Variants in RIMS2 observed in about 807,000 individuals in gnomAD.
RIMS2 encodes regulating synaptic membrane exocytosis 2, also known as regulating synaptic membrane exocytosis protein 2.
Under a neutral mutation model 174.4 loss-of-function variants are expected in RIMS2, and 59 were observed. That is an observed-to-expected ratio of 0.34 (90% CI 0.27 to 0.42). The LOEUF (loss-of-function observed/expected upper bound fraction) is 0.42. RIMS2 is among the 10% of genes least tolerant of loss of function. RIMS2 has a pLI of 1.00. For missense variants in RIMS2, 1,620 were observed against 1,666.3 expected, an observed-to-expected ratio of 0.97 and a Z score of 0.48; for synonymous variants, 606 against 572.5, an observed-to-expected ratio of 1.06 and a Z score of -0.84.
intron 1 of RIMS2, among the ~76,000 whole-genome samples, chr8:103,516,251 A>G (rs16870441): frequency 0.012 from 1,784 of 152,210 alleles, 38 homozygotes; most frequent in African/African-American, 0.042. Flanking sequence ...CAAATAGGAC[A>G]TTTAGTTTGA....
chr8:103,654,469 A>G (rs1366040285), intron 1 of RIMS2, among the ~76,000 whole-genome samples: 2 of 151,992 alleles, frequency 1.3e-5, no homozygotes, highest in Non-Finnish European at 2.9e-5. Flanking sequence ...GATTTCTTTG[A>G]CAACTAATTC....
At chr8:103,846,392 G>A (rs1308801117) in intron 3 of RIMS2, among the ~76,000 whole-genome samples, 1 of 152,044 alleles carries the variant, frequency 6.6e-6, no homozygotes, top group African/African-American at 2.4e-5. Context: ...ACTAGTCAAG[G>A]GCATGGTTTC....
intron 19 of RIMS2, among the ~76,000 whole-genome samples, chr8:104,169,310 A>ATATATATG (rs2098817204): frequency 1.8e-5 from 1 of 54,654 alleles, no homozygotes; most frequent in Admixed American, 2.1e-4. Flanking sequence ...TTGGCTATAT[A>ATATATATG]TATATATATA....
intron 4 of RIMS2, among the ~76,000 whole-genome samples, chr8:103,887,281 T>C: frequency 6.6e-6 from 1 of 151,728 alleles, no homozygotes; most frequent in Non-Finnish European, 1.5e-5. Flanking sequence ...TATTGATTTA[T>C]AAGCACTTTT....
intron 19 of RIMS2, among the ~76,000 whole-genome samples, chr8:104,094,968 A>T (rs6468901): frequency 0.23 from 35,194 of 151,966 alleles, 4,450 homozygotes; most frequent in East Asian, 0.58. Flanking sequence ...GTTCGTTATG[A>T]GTAGCTGAAT....
At chr8:104,071,911 G>C (rs1325400646) in intron 19 of RIMS2, among the ~76,000 whole-genome samples, 1 of 152,144 alleles carries the variant, frequency 6.6e-6, no homozygotes, top group Non-Finnish European at 1.5e-5. Flanking sequence ...AGAAAATGGA[G>C]ACATTTTGAG....
At chr8:103,825,773 T>C (rs2098786463) in intron 3 of RIMS2, among the ~76,000 whole-genome samples, 2 of 152,212 alleles carry the variant, frequency 1.3e-5, no homozygotes, top group African/African-American at 4.8e-5. Flanking sequence ...GATCATAGCG[T>C]GGGTGTATGT....
intron 3 of RIMS2, among the ~76,000 whole-genome samples, chr8:103,834,742 T>TTCTTTCTTTCTTTCTC (rs1406395709): frequency 1.9e-4 from 21 of 109,518 alleles, no homozygotes; most frequent in South Asian, 5.4e-4. Flanking sequence ...CTTTCTTTCT[T>TTCTTTCTTTCTTTCTC]TCTCTCTCTT....
intron 19 of RIMS2, among the ~76,000 whole-genome samples, chr8:104,089,422 T>C (rs2097593840): frequency 6.6e-6 from 1 of 151,886 alleles, no homozygotes; most frequent in African/African-American, 2.4e-5. Context: ...GACTGTAGTA[T>C]TAAGTTGTTT....
intron 1 of RIMS2, among the ~76,000 whole-genome samples, chr8:103,662,611 T>C (rs2096615540): frequency 6.6e-6 from 1 of 152,218 alleles, no homozygotes; most frequent in African/African-American, 2.4e-5. Context: ...GTTGATACTT[T>C]TCTTCAAGAA....
chr8:104,091,455 T>C (rs2129837208), intron 19 of RIMS2, among the ~76,000 whole-genome samples: 1 of 151,526 alleles, frequency 6.6e-6, no homozygotes, highest in East Asian at 1.9e-4. Context: ...AACAATTTTA[T>C]AGCTTTGAAA....
At chr8:103,549,995 A>T (rs900560311) in intron 1 of RIMS2, among the ~76,000 whole-genome samples, 2 of 152,184 alleles carry the variant, frequency 1.3e-5, no homozygotes, top group African/African-American at 4.8e-5. Flanking sequence ...AGACTCCCAC[A>T]CAATAATAAT....
intron 1 of RIMS2, among the ~76,000 whole-genome samples, chr8:103,547,875 A>G (rs1845839776): frequency 6.6e-6 from 1 of 152,192 alleles, no homozygotes; most frequent in Non-Finnish European, 1.5e-5. Context: ...AGAAACTATG[A>G]TGAACACCTC....
At position 103,971,027 on chromosome 8, in the gene RIMS2, C is replaced by G. The variant is rs184471363; in HGVS notation, c.2771-4323C>G. ...ATTCTAGGCATGGAGTTTTCCCCCC[C>G]ATAGTATACTGAGCAACAGGAATGG... is the stretch of plus-strand genomic sequence containing the variant. On this transcript the variant is annotated intron_variant, in intron 15 of 23. Coordinates refer to ENST00000504942, the Ensembl canonical transcript of RIMS2. Among the ~76,000 whole-genome samples, 22 of 152,164 alleles carry G rather than the reference C, an allele frequency of 1.4e-4. No homozygotes were observed. In the East Asian group the frequency reaches 4.3e-3, roughly 29 times the overall value.
intron 5 of RIMS2, among the ~76,000 whole-genome samples, chr8:103,911,009 CTTTTG>C (rs1332505019): frequency 6.6e-6 from 1 of 151,930 alleles, no homozygotes; most frequent in Non-Finnish European, 1.5e-5. Context: ...TCATTTTGGT[CTTTTG>C]TTTTATTGTC....
intron 19 of RIMS2, among the ~76,000 whole-genome samples, chr8:104,015,132 C>T (rs2095864753): frequency 1.3e-5 from 2 of 152,124 alleles, no homozygotes; most frequent in African/African-American, 4.8e-5. Flanking sequence ...TTTGCTGACA[C>T]TCACATGAAC....
At chr8:103,853,483 T>G (rs992288759) in intron 3 of RIMS2, among the ~76,000 whole-genome samples, 6 of 151,982 alleles carry the variant, frequency 3.9e-5, no homozygotes, top group African/African-American at 9.7e-5. Flanking sequence ...AAGGGTATTT[T>G]CTAATTTTCT....
chr8:103,552,470 ATGTT>A (rs1848450345), intron 1 of RIMS2, among the ~76,000 whole-genome samples: 1 of 152,222 alleles, frequency 6.6e-6, no homozygotes, highest in African/African-American at 2.4e-5. Context: ...AAAGACTTAA[ATGTT>A]AGACCTAAAA....
downstream of RIMS2, chr8:104,254,042 T>C (rs2099364537): frequency 6.6e-6 from 1 of 152,218 alleles, no homozygotes; most frequent in African/African-American, 2.4e-5. Context: ...GTCTATACTA[T>C]CCCTTAGAAT....
Sources: gnomAD v4.1 joint callset for allele counts (sites outside exome capture counted in the v4.1 genomes callset) on GRCh38, gnomAD v4.1.1 for gene constraint, MANE v1.5 for transcripts, NCBI Gene and HGNC (gene_info 2026-07-23, HGNC 2026-07-21) for gene names.